Variants in RARA observed in about 807,000 individuals in gnomAD.
RARA encodes PML-DDX5-RARA fusion.
Under a neutral mutation model 42.8 loss-of-function variants are expected in RARA, and 5 were observed. The observed-to-expected ratio is 0.12, with a 90% CI of 0.06 to 0.25. The LOEUF is 0.25. Ranked by LOEUF, RARA falls within the 10% of genes least tolerant of loss-of-function variation. The pLI, the probability that RARA is intolerant of heterozygous loss-of-function variation, is 1.00. For missense variants in RARA, 402 were observed against 628.7 expected, an observed-to-expected ratio of 0.64 and a Z score of 3.86; for synonymous variants, 256 against 259.5, an observed-to-expected ratio of 0.99 and a Z score of 0.13.
At chr17:40,312,569 G>A (rs2033117973) in intron 1 of RARA, among the ~76,000 whole-genome samples, 1 of 152,252 alleles carries the variant, frequency 6.6e-6, no homozygotes, top group South Asian at 2.1e-4. Flanking sequence ...GCCAAGGTGA[G>A]GGTAAGCAGG....
rs780256206 is a variant in RARA, at chr17:40,341,343, A to G, written c.179-6973A>G. The G allele has an allele frequency of 1.4e-5, 20 of 1,426,488 alleles. No individual in the cohort carries two copies. In the South Asian group the frequency reaches 2.4e-4, roughly 17 times the overall value. The allele number at this position is 1,426,488 out of a possible 1,614,324, so 88.4% of individuals were successfully genotyped here. A position where few individuals can be genotyped will look rare whatever the true frequency, so the allele number is the denominator to read the frequency against. On this transcript the variant is annotated intron_variant, in intron 2 of 8. Transcript: ENST00000254066. ...GGCCCCCTCTGCCTGTGTTTGTGCC[A>G]ACAGCACCCGCGCTGCCGCGTCGGG...
At chr17:40,336,628 T>C (rs1199084924) in intron 2 of RARA, among the ~76,000 whole-genome samples, 8 of 152,028 alleles carry the variant, frequency 5.3e-5, no homozygotes, top group Non-Finnish European at 1.0e-4. Context: ...GACCTCCCAA[T>C]CCGCCTGCCT....
chr17:40,337,291 G>A (rs1483224143), intron 2 of RARA, among the ~76,000 whole-genome samples: 1 of 152,202 alleles, frequency 6.6e-6, no homozygotes, highest in Non-Finnish European at 1.5e-5. Context: ...GGGGGGTGGG[G>A]CTTAGTGCTG....
At chr17:40,315,148 A>ATG (rs2033178755) in intron 1 of RARA, among the ~76,000 whole-genome samples, 5 of 128,578 alleles carry the variant, frequency 3.9e-5, no homozygotes, top group Non-Finnish European at 4.8e-5. Flanking sequence ...ATATATATAT[A>ATG]TATATATATA....
rs1342344202 is a variant in RARA, at chr17:40,355,434, G to C, written c.1171+13G>C. 7 of 1,605,980 alleles carry C rather than the reference G, an allele frequency of 4.4e-6. No homozygotes were observed. On this transcript the variant is annotated intron_variant, in intron 8 of 8. Transcript: ENST00000254066. This position sits in a 1 kb window ranked among gnomAD's most constrained non-coding sequence, Gnocchi z 4.1. Reference sequence around the variant, plus strand: ...ATCAGCGCCAAGGGTGAGGCTCACAGACCTGGAGGGGTACCGGCCCCCGAC... The same window carrying C: ...ATCAGCGCCAAGGGTGAGGCTCACACACCTGGAGGGGTACCGGCCCCCGAC...
rs1015927775 is a variant in RARA, at chr17:40,354,685, A to C, written c.1012+179A>C. Among the ~76,000 whole-genome samples, 3 of 152,186 alleles carry C rather than the reference A, an allele frequency of 2.0e-5. No homozygotes were observed. Among genetic ancestry groups the C allele is most frequent in the African/African-American group, 7.2e-5 (3 of 41,436 alleles). Reference sequence around the variant, plus strand: ...GGACTCCTGTTCCCGATTTCTGGGCAACACCCCTTCTAGGGAGGTTAAGAG... The same window carrying C: ...GGACTCCTGTTCCCGATTTCTGGGCCACACCCCTTCTAGGGAGGTTAAGAG... On this transcript the variant is annotated intron_variant, in intron 7 of 8. Transcript: ENST00000254066. The surrounding 1 kb of genome is among the most constrained non-coding windows in gnomAD (Gnocchi z 4.5).
chr17:40,356,538 G>A lies in RARA; in HGVS notation c.*312G>A. The A allele has an allele frequency of 1.6e-6, 1 of 620,802 alleles. No homozygotes were observed. Among genetic ancestry groups the A allele is most frequent in the Non-Finnish European group, 3.0e-6 (1 of 332,000 alleles). The allele number at this position is 620,802 out of a possible 1,614,324, so 38.5% of individuals were successfully genotyped here. ...GTTCATCAAGACACCCCTCTGCCCAGCTCACCACATCTTCATCACCAGCAA... is the reference window on the plus strand; with the variant it reads ...GTTCATCAAGACACCCCTCTGCCCAACTCACCACATCTTCATCACCAGCAA... On this transcript the variant is annotated 3_prime_UTR_variant, in exon 9 of 9. Coordinates refer to ENST00000254066, the MANE Select transcript of RARA (RefSeq NM_000964.4).
intron 1 of RARA, chr17:40,318,351 GGACCCCGCACCC>G (rs1313865649): frequency 1.3e-5 from 2 of 152,322 alleles, no homozygotes; most frequent in Admixed American, 1.3e-4. Context: ...TCCTCTCCCG[GGACCCCGCACCC>G]TGATGCCGAG....
chr17:40,324,990 C>T (rs1302193506), intron 1 of RARA, among the ~76,000 whole-genome samples: 5 of 152,010 alleles, frequency 3.3e-5, no homozygotes, highest in Admixed American at 1.3e-4. Context: ...TGGTGGCTCA[C>T]GCCTGTAATC....
intron 1 of RARA, among the ~76,000 whole-genome samples, chr17:40,324,968 G>A (rs1041682193): frequency 4.6e-5 from 7 of 152,154 alleles, no homozygotes; most frequent in African/African-American, 1.4e-4. Flanking sequence ...ATGAGGCTGG[G>A]CTGGCCGGGC....
chr17:40,351,793 G>A lies in RARA; in HGVS notation c.470-117G>A, dbSNP rs1328017604. ...CTGCCCGTGAACGCGTGCTGTGTGC[G>A]CGTGCTTACAAGCCTGGGTGACCTC... On this transcript the variant is annotated intron_variant, in intron 4 of 8. Coordinates refer to ENST00000254066, the MANE Select transcript of RARA (RefSeq NM_000964.4). The surrounding 1 kb of genome is among the most constrained non-coding windows in gnomAD (Gnocchi z 4.1). 14 of 1,351,972 alleles carry A rather than the reference G, an allele frequency of 1.0e-5. No individual in the cohort carries two copies. The highest frequency in any genetic ancestry group is 5.0e-5 in the East Asian group (2 of 40,258). 83.7% of individuals were successfully genotyped at this position (1,351,972 alleles called of 1,614,324 possible). A position where few individuals can be genotyped will look rare whatever the true frequency, so the allele number is the denominator to read the frequency against.
intron 1 of RARA, among the ~76,000 whole-genome samples, chr17:40,316,352 G>A: frequency 6.6e-6 from 1 of 152,232 alleles, no homozygotes; most frequent in East Asian, 1.9e-4. Context: ...AAATGTGTTT[G>A]GATGTACTTG....
At chr17:40,321,377 CCT>C (rs1297795536) in intron 1 of RARA, among the ~76,000 whole-genome samples, 3 of 151,998 alleles carry the variant, frequency 2.0e-5, no homozygotes, top group Non-Finnish European at 4.4e-5. Flanking sequence ...GCTTGCTTTC[CCT>C]CTCTCCCCAC....
rs531307710 is a variant in RARA at position 40,343,933 on chromosome 17, G to A, written c.179-4383G>A. Among the ~76,000 whole-genome samples the A allele has an allele frequency of 2.0e-5, 3 of 152,306 alleles. No individual in the cohort carries two copies. The South Asian group carries it at 6.2e-4, about 32-fold the overall frequency. On this transcript the variant is annotated intron_variant, in intron 2 of 8. Transcript: ENST00000254066. ...GCGCAGCTGTGAGGCAGTGTACACTGGGTGGGCGGGAGCAGGCGCAAGGGG... is the reference window on the plus strand; with the variant it reads ...GCGCAGCTGTGAGGCAGTGTACACTAGGTGGGCGGGAGCAGGCGCAAGGGG...
At chr17:40,311,176 AAT>A (rs2033087998) in intron 1 of RARA, among the ~76,000 whole-genome samples, 1 of 151,790 alleles carries the variant, frequency 6.6e-6, no homozygotes, top group Non-Finnish European at 1.5e-5. Context: ...CAGGAGCCCT[AAT>A]CGGATTCGAC....
intron 1 of RARA, among the ~76,000 whole-genome samples, chr17:40,325,024 G>A (rs533651033): frequency 3.3e-5 from 5 of 151,982 alleles, no homozygotes; most frequent in South Asian, 2.1e-4. Context: ...AGGCCGAGGC[G>A]GGCAGATCAC....
chr17:40,328,155 G>A (rs574738603), intron 1 of RARA, among the ~76,000 whole-genome samples: 1 of 152,212 alleles, frequency 6.6e-6, no homozygotes, highest in African/African-American at 2.4e-5. Flanking sequence ...GGCTGGCTCA[G>A]CTGGGCCAGA....
In RARA at chr17:40,354,526, C is replaced by T. The variant is rs2034552229; in HGVS notation, c.1012+20C>T. ...GCGGAGGTGGGCAGGGGGCCTGGGT[C>T]TGGGGGCTGGGCTGGGACGGGGGTG... is the stretch of plus-strand genomic sequence containing the variant. On this transcript the variant is annotated intron_variant, in intron 7 of 8. Transcript: ENST00000254066. This position sits in a 1 kb window ranked among gnomAD's most constrained non-coding sequence, Gnocchi z 4.5. The T allele has an allele frequency of 9.1e-7, 1 of 1,095,310 alleles. No homozygotes were observed. Among genetic ancestry groups the T allele is most frequent in the Middle Eastern group, 2.3e-4 (1 of 4,430 alleles). 67.8% of individuals were successfully genotyped at this position (1,095,310 alleles called of 1,614,324 possible). A position where few individuals can be genotyped will look rare whatever the true frequency, so the allele number is the denominator to read the frequency against.
chr17:40,340,131 G>A (rs2033987037), intron 2 of RARA, among the ~76,000 whole-genome samples: 2 of 148,426 alleles, frequency 1.3e-5, no homozygotes, highest in African/African-American at 5.0e-5. Context: ...ACCCCCCCAC[G>A]TTATTTGTAC....
Sources: gnomAD v4.1 joint callset for allele counts (sites outside exome capture counted in the v4.1 genomes callset) on GRCh38, gnomAD v4.1.1 for gene constraint, Gnocchi (gnomAD v3.1) non-coding constraint, MANE v1.5 for transcripts, NCBI Gene and HGNC (gene_info 2026-07-23, HGNC 2026-07-21) for gene names.